Variants in NACA observed in about 807,000 individuals in gnomAD.
The protein encoded by NACA is nascent polypeptide associated complex subunit alpha.
A neutral mutation model predicts 86.4 loss-of-function variants in NACA; 42 were observed. The ratio of observed to expected loss-of-function variants is 0.49; its 90% CI spans 0.38 to 0.63. The LOEUF is 0.63. Ranked by LOEUF, NACA falls within the 20% of genes least tolerant of loss-of-function variation. NACA has a pLI of 0.00. For synonymous variants in NACA, 898 were observed against 973.7 expected (o/e 0.92, Z 1.45); for missense variants, 2,157 against 2,483.6 (o/e 0.87, Z 2.80).
chr12:56,713,378 G>T, intron 6 of NACA, 159 bp downstream of exon 6: 1 of 1,204,318 alleles, frequency 8.3e-7, no homozygotes, highest in Non-Finnish European at 1.1e-6. Flanking sequence ...GGGGTAGTTA[G>T]GTCTCCCAGG....
Position 56,717,572 on chromosome 12 carries a change from G to A in NACA, c.3958C>T (p.Pro1320Ser), listed in dbSNP as rs1953415684. 7.8e-7 allele frequency: 1 copy of A among 1,289,962 alleles called. No homozygotes were observed. The highest frequency in any genetic ancestry group is 3.7e-5 in the East Asian group (1 of 27,182). 79.9% of individuals were successfully genotyped at this position (1,289,962 alleles called of 1,614,324 possible). A position where few individuals can be genotyped will look rare whatever the true frequency, so the allele number is the denominator to read the frequency against. ...PTPPAATPPS[P>S]KGSPGTPPPK... is the part of the protein sequence containing the mutation. ...GGTGGGGTACCTGGGCTTCCTTTTG[G>A]GGAGGGAGGAGTTGCAGCTGGAGGA... The change falls in exon 3 of 9, where the codon CCA becomes TCA. Residue 1320 changes from proline to serine, a missense_variant. Physicochemically the swap from Pro to Ser is moderately conservative, Grantham distance 74 (BLOSUM62 -1). Transcript: ENST00000454682.
At position 56,716,343 on chromosome 12, in the gene NACA, G is replaced by C. The variant is rs751806934; in HGVS notation, c.5187C>G (p.Pro1729=). 1 of 1,612,390 alleles carries C rather than the reference G, an allele frequency of 6.2e-7. No individual in the cohort carries two copies. The highest frequency in any genetic ancestry group is 2.2e-5 in the East Asian group (1 of 44,852). The change falls in exon 3 of 9, where the codon CCC becomes CCG. Residue 1729 remains proline, a synonymous_variant. Transcript: ENST00000454682. The part of the protein sequence containing the change: ...DPSAKNGSKG[P]LSTVAPAPLL... ...GAGGGGCTGGAGCCACTGTGGAAAG[G>C]GGTCCTTTAGAACCATTCTTAGCTG... is the stretch of plus-strand genomic sequence containing the variant.
intron 2 of NACA, 106 bp downstream of exon 2, chr12:56,724,346 C>G: frequency 2.7e-6 from 3 of 1,117,070 alleles, no homozygotes; most frequent in Non-Finnish European, 3.8e-6. Flanking sequence ...CTTGGTAAAG[C>G]TGCAACCCCA....
intron 2 of NACA, among the ~76,000 whole-genome samples, chr12:56,722,444 C>T (rs1435450414): frequency 1.3e-5 from 2 of 152,216 alleles, no homozygotes; most frequent in Non-Finnish European, 2.9e-5. Flanking sequence ...AATCCCAGCA[C>T]TTCGGGATGC....
In NACA at chr12:56,716,425, T is replaced by C. The variant is rs910207355; in HGVS notation, c.5105A>G (p.Lys1702Arg). Reference sequence around the variant, plus strand: ...AGAACTCTTTTTGGTCTGTGGACCTTTCCGAGTGGGAGCTGTGATGATTGG... The same window carrying C: ...AGAACTCTTTTTGGTCTGTGGACCTCTCCGAGTGGGAGCTGTGATGATTGG... The part of the protein sequence containing the change: ...STPIITAPTR[K>R]GPQTKKSSAT... The change falls in exon 3 of 9, where the codon AAA (lysine) becomes AGA (arginine). Residue 1702 changes from lysine to arginine, a missense_variant. Around this residue, in one of 8 missense-constraint regions of NACA, gnomAD observed 797 missense variants for 777.6 expected, o/e 1.02. Coordinates refer to ENST00000454682, the MANE Select transcript of NACA (RefSeq NM_001365896.1). The C allele has an allele frequency of 3.1e-6, 5 of 1,592,746 alleles. No individual in the cohort carries two copies. The highest frequency in any genetic ancestry group is 4.3e-6 in the Non-Finnish European group (5 of 1,166,966).
chr12:56,721,490 G>C, intron 2 of NACA, 31 bp from the exon 3 acceptor site: 1 of 1,412,312 alleles, frequency 7.1e-7, no homozygotes, highest in Non-Finnish European at 9.4e-7. Context: ...ATAAAGAAAG[G>C]GGGAGGGGGA....
In NACA at chr12:56,718,239, T is replaced by C. The variant is rs780975438; in HGVS notation, c.3291A>G (p.Pro1097=). Residue 1097 remains proline, a synonymous_variant, in exon 3 of 9, where the codon CCA becomes CCG. Coordinates refer to ENST00000454682, the MANE Select transcript of NACA (RefSeq NM_001365896.1). ...GGGGCATGGGGGCCCCTTTGGGGGA[T>C]GGGGTAGCTGGGCCTCCTTTTGGGG... The part of the protein sequence containing the change: ...PPSPKGGPAT[P]SPKGAPMPPA... 5 of 1,110,100 alleles carry C rather than the reference T, an allele frequency of 4.5e-6. No individual in the cohort carries two copies. The highest frequency in any genetic ancestry group is 5.6e-6 in the Non-Finnish European group (5 of 899,512). The allele number at this position is 1,110,100 out of a possible 1,614,324, so 68.8% of individuals were successfully genotyped here.
In NACA at chr12:56,724,437, G is replaced by C; in HGVS notation, c.70+15C>G. 6.2e-7 allele frequency: 1 copy of C among 1,604,990 alleles called. No individual in the cohort carries two copies. Among genetic ancestry groups the C allele is most frequent in the Non-Finnish European group, 8.5e-7 (1 of 1,175,760 alleles). On this transcript the variant is annotated intron_variant, in intron 2 of 8. Coordinates refer to ENST00000454682, the MANE Select transcript of NACA (RefSeq NM_001365896.1). ...GTTAATTTTAATTAATGGCAAGGAGGGTAGGGAAACCTACCTGTCTCAGCC... is the reference window on the plus strand; with the variant it reads ...GTTAATTTTAATTAATGGCAAGGAGCGTAGGGAAACCTACCTGTCTCAGCC...
chr12:56,723,727 C>A (rs1031084472), intron 2 of NACA, among the ~76,000 whole-genome samples: 1 of 152,082 alleles, frequency 6.6e-6, no homozygotes, highest in African/African-American at 2.4e-5. Flanking sequence ...CTTCATTTAA[C>A]GCTGCACAAC....
In NACA at chr12:56,721,191, T is replaced by C. The variant is rs773945190; in HGVS notation, c.339A>G (p.Pro113=). Reference sequence around the variant, plus strand: ...TGGGAGAGGCTAGAGCTAAGGCAGCTGGGGAGATGGGAGGCCCTATTAGGT... The same window carrying C: ...TGGGAGAGGCTAGAGCTAAGGCAGCCGGGGAGATGGGAGGCCCTATTAGGT... ...LPNLIGPPIS[P]AALALASPMI... The change falls in exon 3 of 9, where the codon CCA becomes CCG. Residue 113 remains proline (P), a synonymous_variant. Coordinates refer to ENST00000454682, the MANE Select transcript of NACA (RefSeq NM_001365896.1). 3.1e-6 allele frequency: 5 copies of C among 1,613,788 alleles called. No individual in the cohort carries two copies. Among genetic ancestry groups the C allele is most frequent in the Non-Finnish European group, 4.2e-6 (5 of 1,179,830 alleles).
intron 8 of NACA, 50 bp downstream of exon 8, chr12:56,712,736 A>C (rs772283432): frequency 1.9e-6 from 3 of 1,611,152 alleles, no homozygotes; most frequent in Non-Finnish European, 1.7e-6. Flanking sequence ...AAAGTCACTC[A>C]TAATTGGTCA....
chr12:56,719,266 G>T lies in NACA; in HGVS notation c.2264C>A (p.Ser755Tyr). The change falls in exon 3 of 9, where the codon TCT (serine) becomes TAT (tyrosine). Residue 755 changes from serine to tyrosine, a missense_variant. Coordinates refer to ENST00000454682, the MANE Select transcript of NACA (RefSeq NM_001365896.1). ...PPGTKKVDGISHTSALAPVAS... is the reference protein window; with the variant it reads ...PPGTKKVDGIYHTSALAPVAS... ...AACAGGTGCCAATGCTGAAGTATGA[G>T]AAATACCATCAACCTTTTTTGTACC... The T allele has an allele frequency of 1.3e-6, 2 of 1,565,942 alleles. No individual in the cohort carries two copies. Among genetic ancestry groups the T allele is most frequent in the African/African-American group, 2.7e-5 (2 of 74,244 alleles).
intron 6 of NACA, 152 bp downstream of exon 6, chr12:56,713,385 C>T: frequency 8.1e-7 from 1 of 1,237,104 alleles, no homozygotes; most frequent in Non-Finnish European, 1.1e-6. Context: ...TTAGGTCTCC[C>T]AGGAGATATA....
At position 56,720,780 on chromosome 12, in the gene NACA, G is replaced by C; in HGVS notation, c.750C>G (p.Thr250=). Residue 250 remains threonine, a synonymous_variant, in exon 3 of 9, where the codon ACC becomes ACG. Transcript: ENST00000454682. ...GTGGAGAAATCAGAACTGAGGAAAT[G>C]GTGGTATCTTTGACTTGAGGGGAAG... The part of the protein sequence containing the change: ...AIASPQVKDT[T]ISSVLISPQN... The C allele has an allele frequency of 1.2e-6, 2 of 1,614,016 alleles. No homozygotes were observed. Among genetic ancestry groups the C allele is most frequent in the Non-Finnish European group, 1.7e-6 (2 of 1,179,906 alleles).
chr12:56,716,382 T>G lies in NACA; in HGVS notation c.5148A>C (p.Ile1716=). The change falls in exon 3 of 9, where the codon ATA becomes ATC. Residue 1716 remains isoleucine, a synonymous_variant. Coordinates refer to ENST00000454682, the MANE Select transcript of NACA (RefSeq NM_001365896.1). ...TKKSSATSPP[I]CPDPSAKNGS... ...CATTCTTAGCTGAGGGATCTGGGCATATAGGAGGTGAAGTAGCAGAACTCT... is the reference window on the plus strand; with the variant it reads ...CATTCTTAGCTGAGGGATCTGGGCAGATAGGAGGTGAAGTAGCAGAACTCT... 6.2e-7 allele frequency: 1 copy of G among 1,610,130 alleles called. No homozygotes were observed. The highest frequency in any genetic ancestry group is 8.5e-7 in the Non-Finnish European group (1 of 1,178,008).
At position 56,714,576 on chromosome 12, in the gene NACA, ATACCAG is replaced by A; in HGVS notation, c.5745+20_5745+25del. On this transcript the variant is annotated intron_variant, in intron 4 of 8. Transcript: ENST00000454682. The stretch of plus-strand genomic sequence containing the variant: ...TGATCAACCCTGCTTCTTTGACCCA[ATACCAG>A]TTAGTAAGAGAATACCCACCTGGGC... 6.2e-7 allele frequency: 1 copy of A among 1,613,168 alleles called. No individual in the cohort carries two copies. The highest frequency in any genetic ancestry group is 8.5e-7 in the Non-Finnish European group (1 of 1,179,154).
intron 2 of NACA, among the ~76,000 whole-genome samples, chr12:56,722,804 T>A (rs1953608632): frequency 7.1e-6 from 1 of 141,712 alleles, no homozygotes; most frequent in Non-Finnish European, 1.5e-5. Context: ...ATGTTTGGCA[T>A]GACAGTAAGA....
chr12:56,717,034 G>A lies in NACA; in HGVS notation c.4496C>T (p.Pro1499Leu). The change falls in exon 3 of 9, where the codon CCC becomes CTC. Residue 1499 changes from proline to leucine, a missense_variant. Pro to Leu is a moderately conservative substitution (Grantham distance 98). This residue lies in a region of NACA where 797 missense variants were observed against 777.6 expected (regional missense o/e 1.02). Coordinates refer to ENST00000454682, the MANE Select transcript of NACA (RefSeq NM_001365896.1). Reference protein sequence around the residue: ...SPKKAPATPAPMGAPTLPAVI... With the variant: ...SPKKAPATPALMGAPTLPAVI... ...AGCTGGCAGAGTGGGGGCCCCCATG[G>A]GGGCTGGAGTTGCTGGGGCCTTTTT... 2 of 1,283,684 alleles carry A rather than the reference G, an allele frequency of 1.6e-6. No individual in the cohort carries two copies. The highest frequency in any genetic ancestry group is 1.7e-5 in the South Asian group (1 of 59,428). 79.5% of individuals were successfully genotyped at this position (1,283,684 alleles called of 1,614,324 possible). A position where few individuals can be genotyped will look rare whatever the true frequency, so the allele number is the denominator to read the frequency against.
chr12:56,713,304 A>G, intron 6 of NACA, 114 bp from the exon 7 acceptor site: 1 of 1,372,748 alleles, frequency 7.3e-7, no homozygotes, highest in Non-Finnish European at 9.9e-7. Flanking sequence ...GTACAGCTTT[A>G]AACTGCTTGC....
Sources: allele counts gnomAD v4.1 joint callset (sites outside exome capture counted in the v4.1 genomes callset), GRCh38; gene constraint gnomAD v4.1.1; regional missense constraint gnomAD v4.1.1; transcripts MANE v1.5; gene names NCBI Gene and HGNC (gene_info 2026-07-23, HGNC 2026-07-21).